LRMDA: variants seen among roughly 807,000 people sequenced by gnomAD.
The protein encoded by LRMDA is leucine-rich melanocyte differentiation-associated protein.
In LRMDA, 18 loss-of-function variants were observed where a neutral mutation model predicts 29.8. The observed-to-expected ratio is 0.60, with a 90% CI of 0.42 to 0.90. The LOEUF (loss-of-function observed/expected upper bound fraction) is 0.90, where lower values mean the gene tolerates loss of function less well. Among genes scored for constraint, LRMDA ranks in the 40% least tolerant of loss-of-function variants. LRMDA has a pLI of 0.00. For synonymous variants in LRMDA, 125 were observed against 109.4 expected (o/e 1.14, Z -0.89); for missense variants, 273 against 273.9 (o/e 1.00, Z 0.02).
At chr10:75,606,486 A>G (rs1840957963) in intron 2 of LRMDA, among the ~76,000 whole-genome samples, 1 of 152,228 alleles carries the variant, frequency 6.6e-6, no homozygotes, top group Non-Finnish European at 1.5e-5. Context: ...AGTTAAGGGC[A>G]GAGTCCATTC....
At chr10:76,220,372 G>A (rs552633623) in intron 5 of LRMDA, among the ~76,000 whole-genome samples, 1 of 151,958 alleles carries the variant, frequency 6.6e-6, no homozygotes, top group South Asian at 2.1e-4. Context: ...TAGACCACTA[G>A]CAAGACTAAT....
chr10:75,461,944 C>T (rs1177729723), intron 2 of LRMDA, among the ~76,000 whole-genome samples: 1 of 152,226 alleles, frequency 6.6e-6, no homozygotes, highest in African/African-American at 2.4e-5. Context: ...TCAGCTTTTC[C>T]TTTGCAGATC....
rs140399354 is a variant in LRMDA, at chr10:75,679,920, C to G, written c.131+241426C>G. ...AGTCACAGGAAATAAAAAAAAAACC[C>G]TTAAATTATCTTAAAGAAAAAATGG... is the stretch of plus-strand genomic sequence containing the variant. On this transcript the variant is annotated intron_variant, in intron 2 of 6. Coordinates refer to ENST00000611255, the MANE Select transcript of LRMDA (RefSeq NM_001305581.2). Among the ~76,000 whole-genome samples, 326 of 152,158 alleles carry G rather than the reference C, an allele frequency of 2.1e-3. 6 individuals carry two copies. The South Asian group carries it at 0.029, about 13-fold the overall frequency.
intron 2 of LRMDA, among the ~76,000 whole-genome samples, chr10:75,490,082 A>G (rs558216420): frequency 6.6e-6 from 1 of 152,208 alleles, no homozygotes; most frequent in African/African-American, 2.4e-5. Flanking sequence ...CAATAATCCT[A>G]TGTGTAAGGC....
At chr10:76,267,409 AC>A (rs1840020015) in intron 5 of LRMDA, among the ~76,000 whole-genome samples, 1 of 152,170 alleles carries the variant, frequency 6.6e-6, no homozygotes, top group African/African-American at 2.4e-5. Flanking sequence ...TGCGACCATC[AC>A]AACTATTTAT....
intron 2 of LRMDA, among the ~76,000 whole-genome samples, chr10:75,744,751 G>GC (rs1294733308): frequency 3.9e-5 from 6 of 152,168 alleles, no homozygotes; most frequent in Non-Finnish European, 8.8e-5. Context: ...TGAAAATGTG[G>GC]CCATTGAGGC....
chr10:75,909,018 C>A (rs931177224), intron 2 of LRMDA, among the ~76,000 whole-genome samples: 1 of 152,098 alleles, frequency 6.6e-6, no homozygotes, highest in African/African-American at 2.4e-5. Flanking sequence ...GTAACTAACT[C>A]CTTCATTCAT....
intron 5 of LRMDA, among the ~76,000 whole-genome samples, chr10:76,210,151 A>T (rs1221866727): frequency 1.3e-5 from 2 of 152,188 alleles, no homozygotes; most frequent in African/African-American, 4.8e-5. Context: ...TAAACATTCA[A>T]TCAGTTAAAA....
intron 6 of LRMDA, among the ~76,000 whole-genome samples, chr10:76,516,565 A>G (rs969461474): frequency 6.3e-4 from 95 of 151,842 alleles, no homozygotes; most frequent in African/African-American, 2.2e-3. Flanking sequence ...TCACTGTTCA[A>G]TTCCCACCTA....
At chr10:75,584,003 C>G (rs1173036560) in intron 2 of LRMDA, among the ~76,000 whole-genome samples, 2 of 152,130 alleles carry the variant, frequency 1.3e-5, no homozygotes, top group Non-Finnish European at 2.9e-5. Context: ...AGGGACTGTC[C>G]TTCCTCTCTG....
intron 2 of LRMDA, among the ~76,000 whole-genome samples, chr10:76,024,871 A>G (rs887049389): frequency 6.6e-6 from 1 of 152,232 alleles, no homozygotes; most frequent in Admixed American, 6.5e-5. Flanking sequence ...CATGAGGTTG[A>G]AGAGCAGCGT....
intron 6 of LRMDA, among the ~76,000 whole-genome samples, chr10:76,373,000 T>C (rs1841473197): frequency 1.3e-5 from 2 of 152,200 alleles, no homozygotes; most frequent in Admixed American, 1.3e-4. Context: ...GATTTCCAGC[T>C]CTTCAGGTGC....
intron 2 of LRMDA, among the ~76,000 whole-genome samples, chr10:75,660,459 A>G (rs1177563432): frequency 6.6e-6 from 1 of 152,164 alleles, no homozygotes; most frequent in Non-Finnish European, 1.5e-5. Context: ...AAATGCCACC[A>G]TTGATGCCTC....
intron 5 of LRMDA, among the ~76,000 whole-genome samples, chr10:76,137,377 T>C (rs544076363): frequency 4.6e-5 from 7 of 152,176 alleles, no homozygotes; most frequent in Non-Finnish European, 1.0e-4. Context: ...CTTGATGAGG[T>C]CTTACTTAAT....
At chr10:75,589,565 C>A (rs1840695745) in intron 2 of LRMDA, among the ~76,000 whole-genome samples, 2 of 151,878 alleles carry the variant, frequency 1.3e-5, no homozygotes, top group African/African-American at 4.8e-5. Context: ...CTATCCTGGG[C>A]AACATGGTGA....
chr10:75,635,449 A>G (rs1196838353), intron 2 of LRMDA, among the ~76,000 whole-genome samples: 1 of 152,052 alleles, frequency 6.6e-6, no homozygotes, highest in Non-Finnish European at 1.5e-5. Flanking sequence ...TCTATTTTCA[A>G]AGTCTTTCAG....
chr10:76,413,321 C>A (rs1226335004), intron 6 of LRMDA, among the ~76,000 whole-genome samples: 2 of 152,144 alleles, frequency 1.3e-5, no homozygotes, highest in Non-Finnish European at 2.9e-5. Flanking sequence ...AAAGACATAC[C>A]CAAGACCAGG....
At chr10:75,703,082 G>A (rs567967974) in intron 2 of LRMDA, among the ~76,000 whole-genome samples, 14 of 152,298 alleles carry the variant, frequency 9.2e-5, no homozygotes, top group African/African-American at 2.9e-4. Context: ...GCTCGGCTCT[G>A]TTTGGATGTA....
intron 6 of LRMDA, among the ~76,000 whole-genome samples, chr10:76,445,409 G>A (rs1266519077): frequency 6.6e-6 from 1 of 152,098 alleles, no homozygotes; most frequent in Non-Finnish European, 1.5e-5. Context: ...CATTCTTCAG[G>A]GCTCTGACTC....
Sources: allele counts gnomAD v4.1 joint callset (sites outside exome capture counted in the v4.1 genomes callset), GRCh38; gene constraint gnomAD v4.1.1; transcripts MANE v1.5; gene names NCBI Gene and HGNC (gene_info 2026-07-23, HGNC 2026-07-21).